The following SLC22A23 variants were observed in gnomAD, a reference collection of about 807,000 sequenced individuals.
SLC22A23 encodes solute carrier family 22 member 23, also known as ion transporter protein.
A neutral mutation model predicts 61.0 loss-of-function variants in SLC22A23; 26 were observed. The observed-to-expected ratio is 0.43, with a 90% CI of 0.31 to 0.59. The LOEUF (loss-of-function observed/expected upper bound fraction) is 0.59. Among genes scored for constraint, SLC22A23 ranks in the 20% least tolerant of loss-of-function variants. SLC22A23 has a pLI of 0.11. For missense variants in SLC22A23, 796 were observed against 934.7 expected, an observed-to-expected ratio of 0.85 and a Z score of 1.94; for synonymous variants, 430 against 413.9, an observed-to-expected ratio of 1.04 and a Z score of -0.47.
Position 3,362,426 on chromosome 6 carries a change from AAATAAAAAAT to A in SLC22A23, c.914-38434_914-38425del, listed in dbSNP as rs1302209441. Reference sequence around the variant, plus strand: ...TCACAAAAAAAAAAAATAAAATAAAAAATAAAAAATAAAAATTAGCATGCATTTTCATCAG... The same window carrying A: ...TCACAAAAAAAAAAAATAAAATAAAAAAAAATTAGCATGCATTTTCATCAG... On this transcript the variant is annotated intron_variant, in intron 3 of 9. Transcript: ENST00000406686. Among the ~76,000 whole-genome samples the A allele has an allele frequency of 9.3e-4, 129 of 138,072 alleles. 24 individuals are homozygous for A. Among genetic ancestry groups the A allele is most frequent in the Admixed American group, 1.6e-3 (23 of 14,062 alleles). 90.6% of individuals were successfully genotyped at this position (138,072 alleles called of 152,430 possible).
At chr6:3,343,682 G>A (rs967642091) in intron 3 of SLC22A23, among the ~76,000 whole-genome samples, 20 of 152,286 alleles carry the variant, frequency 1.3e-4, no homozygotes, top group East Asian at 5.8e-4. Context: ...ACCCTAGGTC[G>A]CTCTTGAATT....
intron 9 of SLC22A23, among the ~76,000 whole-genome samples, chr6:3,279,758 T>G (rs982551176): frequency 1.3e-5 from 2 of 152,130 alleles, no homozygotes. Context: ...CGCCCGTGTT[T>G]AGAAGTCAGA....
chr6:3,402,335 C>T (rs1768448983), intron 3 of SLC22A23, among the ~76,000 whole-genome samples: 1 of 151,670 alleles, frequency 6.6e-6, no homozygotes, highest in East Asian at 1.9e-4. Flanking sequence ...TGGCCTGCCA[C>T]TACCTTAAGG....
In SLC22A23 at chr6:3,427,468, G is replaced by A. The variant is rs907955093; in HGVS notation, c.655-11613C>T. On this transcript the variant is annotated intron_variant, in intron 1 of 9. Coordinates refer to ENST00000406686, the MANE Select transcript of SLC22A23 (RefSeq NM_015482.2). The surrounding 1 kb of genome is among the most constrained non-coding windows in gnomAD (Gnocchi z 4.3). ...ACTAGTTTTACATCCTGTCTGCATA[G>A]TCAGCACCAGATTAGAAAGTGGGCC... 6.6e-6 allele frequency among the ~76,000 whole-genome samples: 1 copy of A among 152,138 alleles called. No individual in the cohort carries two copies. Among genetic ancestry groups the A allele is most frequent in the African/African-American group, 2.4e-5 (1 of 41,426 alleles).
chr6:3,423,660 C>A lies in SLC22A23; in HGVS notation c.655-7805G>T, dbSNP rs563048631. Among the ~76,000 whole-genome samples, 276 of 152,316 alleles carry A rather than the reference C, an allele frequency of 1.8e-3. 2 individuals are homozygous for A. The highest frequency in any genetic ancestry group is 2.2e-3 in the Non-Finnish European group (153 of 68,032). On this transcript the variant is annotated intron_variant, in intron 1 of 9. Transcript: ENST00000406686. ...CAGATCCCTTAGCATCAAAAGGGAG[C>A]AGCTATTAATGCCCTGCAAGAAGTC...
rs534105925 is a variant in SLC22A23 at position 3,397,099 on chromosome 6, C to T, written c.913+13089G>A. On this transcript the variant is annotated intron_variant, in intron 3 of 9. Transcript: ENST00000406686. ...CCCCACAGCCTGTCCGCTTTATGCT[C>T]CTCTAGAGGTTTGAGCAGCAGGGCA... is the stretch of plus-strand genomic sequence containing the variant. Among the ~76,000 whole-genome samples the T allele has an allele frequency of 5.9e-5, 9 of 152,322 alleles. No individual in the cohort carries two copies. In the East Asian group the frequency reaches 1.5e-3, roughly 26 times the overall value.
chr6:3,376,231 C>T (rs890974744), intron 3 of SLC22A23, among the ~76,000 whole-genome samples: 5 of 152,214 alleles, frequency 3.3e-5, no homozygotes, highest in Non-Finnish European at 5.9e-5. Context: ...GGACACCCAG[C>T]TGCCTCCTCC....
At chr6:3,282,222 T>C (rs1223547211) in intron 9 of SLC22A23, 2 of 702,496 alleles carry the variant, frequency 2.8e-6, no homozygotes, top group African/African-American at 3.5e-5. Context: ...GAAATTTCAC[T>C]TTCCGTCCTT....
At chr6:3,362,474 C>A (rs957793923) in intron 3 of SLC22A23, among the ~76,000 whole-genome samples, 3 of 150,110 alleles carry the variant, frequency 2.0e-5, no homozygotes, top group Admixed American at 6.6e-5. Flanking sequence ...ATTGAAACAC[C>A]CACCAAGGAT....
Position 3,360,547 on chromosome 6 carries a change from C to T in SLC22A23, c.914-36545G>A, listed in dbSNP as rs543008337. ...GTCGGGTTTCAGGCAACGGCTCAACCGTGGAGGGAGGTCACTTTGGGGCCT... is the reference window on the plus strand; with the variant it reads ...GTCGGGTTTCAGGCAACGGCTCAACTGTGGAGGGAGGTCACTTTGGGGCCT... On this transcript the variant is annotated intron_variant, in intron 3 of 9. Transcript: ENST00000406686. This position sits in a 1 kb window ranked among gnomAD's most constrained non-coding sequence, Gnocchi z 4.6. Among the ~76,000 whole-genome samples, 5 of 152,356 alleles carry T rather than the reference C, an allele frequency of 3.3e-5. No individual in the cohort carries two copies. Among genetic ancestry groups the T allele is most frequent in the South Asian group, 2.1e-4 (1 of 4,822 alleles).
At chr6:3,378,657 C>T (rs1398030900) in intron 3 of SLC22A23, among the ~76,000 whole-genome samples, 31 of 119,090 alleles carry the variant, frequency 2.6e-4, no homozygotes, top group East Asian at 9.9e-4. Flanking sequence ...TTTCTTTTTT[C>T]TTTTTTTTTT....
rs889049806 is a variant in SLC22A23, at chr6:3,360,136, C to G, written c.914-36134G>C. Among the ~76,000 whole-genome samples the G allele has an allele frequency of 6.6e-6, 1 of 152,050 alleles. No individual in the cohort carries two copies. Among genetic ancestry groups the G allele is most frequent in the African/African-American group, 2.4e-5 (1 of 41,370 alleles). Reference sequence around the variant, plus strand: ...GGGAATGGGGAGTGTTTATTGGGGACAGAGTTTGTTTGGGAAGATGAAAAG... The same window carrying G: ...GGGAATGGGGAGTGTTTATTGGGGAGAGAGTTTGTTTGGGAAGATGAAAAG... On this transcript the variant is annotated intron_variant, in intron 3 of 9. Transcript: ENST00000406686. The surrounding 1 kb of genome is among the most constrained non-coding windows in gnomAD (Gnocchi z 4.6).
chr6:3,384,576 C>G (rs550098934), intron 3 of SLC22A23, among the ~76,000 whole-genome samples: 2 of 152,132 alleles, frequency 1.3e-5, no homozygotes, highest in Non-Finnish European at 2.9e-5. Flanking sequence ...CCTTAATTAC[C>G]AAATAATTAC....
chr6:3,455,998 G>A lies in SLC22A23; in HGVS notation c.562C>T (p.Pro188Ser). ...DGGDTPPLPS[P>S]PDKGDNASNC... The stretch of plus-strand genomic sequence containing the variant: ...GAGGCGTTGTCCCCCTTGTCCGGAG[G>A]GGATGGCAGGGGTGGTGTGTCGCCT... Residue 188 changes from proline to serine, a missense_variant, in exon 1 of 10, where the codon CCT becomes TCT. By Grantham distance (74) the Pro-to-Ser change is moderately conservative. Coordinates refer to ENST00000406686, the MANE Select transcript of SLC22A23 (RefSeq NM_015482.2). 6.5e-7 allele frequency: 1 copy of A among 1,547,192 alleles called. No individual in the cohort carries two copies. The highest frequency in any genetic ancestry group is 8.7e-7 in the Non-Finnish European group (1 of 1,146,754).
At chr6:3,415,068 G>C (rs4452682) in intron 2 of SLC22A23, among the ~76,000 whole-genome samples, 3 of 152,074 alleles carry the variant, frequency 2.0e-5, no homozygotes, top group Non-Finnish European at 4.4e-5. Flanking sequence ...TCTCCTATTC[G>C]GGGTGTTGTA....
At position 3,455,956 on chromosome 6, in the gene SLC22A23, C is replaced by G; in HGVS notation, c.604G>C (p.Ala202Pro). The G allele has an allele frequency of 6.5e-7, 1 of 1,538,716 alleles. No individual in the cohort carries two copies. The highest frequency in any genetic ancestry group is 2.5e-5 in the East Asian group (1 of 40,604). ...GDNASNCDCR[A>P]WDYGIRAGLV... ...CCGGCGCGGATGCCGTAGTCCCATG[C>G]GCGGCAGTCACAGTTGGAGGCGTTG... Residue 202 changes from alanine to proline, a missense_variant, in exon 1 of 10, where the codon GCA (alanine) becomes CCA (proline). Transcript: ENST00000406686.
rs950765031 is a variant in SLC22A23 at position 3,372,586 on chromosome 6, A to C, written c.913+37602T>G. On this transcript the variant is annotated intron_variant, in intron 3 of 9. Coordinates refer to ENST00000406686, the MANE Select transcript of SLC22A23 (RefSeq NM_015482.2). The surrounding 1 kb of genome is among the most constrained non-coding windows in gnomAD (Gnocchi z 4.7). ...CGTGTACTGGTGGCGTGGCCTGAGG[A>C]AACCGTGGCTTCCCCCCATGTCTCA... Among the ~76,000 whole-genome samples, 2 of 152,086 alleles carry C rather than the reference A, an allele frequency of 1.3e-5. No individual in the cohort carries two copies. The highest frequency in any genetic ancestry group is 4.8e-5 in the African/African-American group (2 of 41,424).
intron 3 of SLC22A23, among the ~76,000 whole-genome samples, chr6:3,370,424 T>C (rs995305738): frequency 6.6e-6 from 1 of 152,260 alleles, no homozygotes; most frequent in East Asian, 1.9e-4. Context: ...AAGCTTTCTC[T>C]GCACAGGTGT....
rs906747660 is a variant in SLC22A23 at position 3,390,403 on chromosome 6, C to T, written c.913+19785G>A. On this transcript the variant is annotated intron_variant, in intron 3 of 9. Transcript: ENST00000406686. The surrounding 1 kb of genome is among the most constrained non-coding windows in gnomAD (Gnocchi z 4.0). Reference sequence around the variant, plus strand: ...TCTGCCCCACTCTCCCTCTCTCCTCCCTCCCCAAAGTCCAATTAAGTCCAA... The same window carrying T: ...TCTGCCCCACTCTCCCTCTCTCCTCTCTCCCCAAAGTCCAATTAAGTCCAA... 3.9e-5 allele frequency among the ~76,000 whole-genome samples: 6 copies of T among 152,114 alleles called. No individual in the cohort carries two copies. Among genetic ancestry groups the T allele is most frequent in the Non-Finnish European group, 5.9e-5 (4 of 68,024 alleles).
Sources: allele counts gnomAD v4.1 joint callset (sites outside exome capture counted in the v4.1 genomes callset), GRCh38; gene constraint gnomAD v4.1.1; non-coding constraint Gnocchi (gnomAD v3.1); transcripts MANE v1.5; gene names NCBI Gene and HGNC (gene_info 2026-07-23, HGNC 2026-07-21).